Variants in FLNB observed in about 807,000 individuals in gnomAD.
FLNB encodes the protein filamin B.
FLNB carries 111 observed loss-of-function variants against 250.6 expected under a neutral mutation model. The observed-to-expected ratio is 0.44, with a 90% CI of 0.38 to 0.52. FLNB has a LOEUF of 0.52. Ranked by LOEUF, FLNB falls within the 20% of genes least tolerant of loss-of-function variation. The probability of loss-of-function intolerance (pLI) is 0.00; values close to 1 mark genes in which losing one functional copy is unlikely to be tolerated. For synonymous variants in FLNB, 1,302 were observed against 1,372.1 expected (o/e 0.95, Z 1.13); for missense variants, 2,869 against 3,447.8 (o/e 0.83, Z 4.20).
At chr3:58,011,899 G>C (rs115861088) in intron 1 of FLNB, among the ~76,000 whole-genome samples, 1 of 152,162 alleles carries the variant, frequency 6.6e-6, no homozygotes, top group African/African-American at 2.4e-5. Flanking sequence ...ATAAGGTGCT[G>C]TCTAATAATT....
At position 58,105,083 on chromosome 3, in the gene FLNB, C is replaced by G. The variant is rs1313124775; in HGVS notation, c.1614C>G (p.Pro538=). The stretch of plus-strand genomic sequence containing the variant: ...TCTTCTATTCCTTTCCCTGTAGCCC[C>G]TTTGAAGTTCAAGTTGGCCCTGAAG... ...TWGGHHIPKS[P]FEVQVGPEAG... Residue 538 remains proline (P), a synonymous_variant, in exon 11 of 46, where the codon CCC becomes CCG. Transcript: ENST00000295956. 4 of 1,614,224 alleles carry G rather than the reference C, an allele frequency of 2.5e-6. No homozygotes were observed. The highest frequency in any genetic ancestry group is 1.7e-5 in the Admixed American group (1 of 60,026).
At chr3:58,132,111 T>G in intron 25 of FLNB, 1 of 811,794 alleles carries the variant, frequency 1.2e-6, no homozygotes. Flanking sequence ...CTCATCTGCT[T>G]TGCTTAATGA....
chr3:58,097,648 TC>T (rs1266843480), intron 6 of FLNB, among the ~76,000 whole-genome samples, 166 bp from the exon 7 acceptor site: 1 of 151,760 alleles, frequency 6.6e-6, no homozygotes, highest in East Asian at 1.9e-4. Context: ...CAGGTGGGAG[TC>T]CCATTCAGGC....
chr3:58,110,158 C>G lies in FLNB; in HGVS notation c.2472C>G (p.Leu824=), dbSNP rs370483712. 2.5e-6 allele frequency: 4 copies of G among 1,614,226 alleles called. No individual in the cohort carries two copies. The highest frequency in any genetic ancestry group is 3.4e-6 in the Non-Finnish European group (4 of 1,180,044). The part of the protein sequence containing the change: ...PAAGRYTIKV[L]FASQEIPASP... ...CTGGGCGATACACTATCAAAGTTCT[C>G]TTTGCATCTCAGGTACGTGGTGGGG... Residue 824 remains leucine, a synonymous_variant, in exon 16 of 46, where the codon CTC becomes CTG. Transcript: ENST00000295956.
In FLNB at chr3:58,136,136, A is replaced by C. The variant is rs2097315485; in HGVS notation, c.4829A>C (p.Gln1610Pro). 1.2e-6 allele frequency: 2 copies of C among 1,614,112 alleles called. No homozygotes were observed. The highest frequency in any genetic ancestry group is 2.7e-5 in the African/African-American group (2 of 74,936). Residue 1610 changes from glutamine (Q) to proline (P), a missense_variant, in exon 28 of 46, where the codon CAG becomes CCG. Physicochemically the swap from Gln to Pro is moderately conservative, Grantham distance 76. Coordinates refer to ENST00000295956, the MANE Select transcript of FLNB (RefSeq NM_001457.4). ...PLSPYRIRATQTGDASKCLAT... is the reference protein window; with the variant it reads ...PLSPYRIRATPTGDASKCLAT... ...TCTCCTTATCGCATCCGAGCCACAC[A>C]GACGGGTGATGCCAGCAAGTGCCTG...
At chr3:58,046,741 G>A (rs1420763999) in intron 1 of FLNB, among the ~76,000 whole-genome samples, 1 of 152,084 alleles carries the variant, frequency 6.6e-6, no homozygotes, top group Non-Finnish European at 1.5e-5. Context: ...GCCAATTTTA[G>A]AATATTTTTA....
At position 58,168,544 on chromosome 3, in the gene FLNB, C is replaced by T. The variant is rs149342655; in HGVS notation, c.7303C>T (p.Pro2435Ser). The T allele has an allele frequency of 5.6e-6, 9 of 1,614,038 alleles. No homozygotes were observed. The highest frequency in any genetic ancestry group is 5.0e-5 in the Admixed American group (3 of 60,004). The change falls in exon 44 of 46, where the codon CCT (proline) becomes TCT (serine). Residue 2435 changes from proline to serine, a missense_variant. Physicochemically the swap from Pro to Ser is moderately conservative, Grantham distance 74. This residue lies in a region of FLNB where 1,084 missense variants were observed against 1,315.5 expected (regional missense o/e 0.82). Transcript: ENST00000295956. ...GGTTAAAATGGATTGCCAGGAAACA[C>T]CTGAAGGGTACAAAGTCATGTACAC... is the stretch of plus-strand genomic sequence containing the variant. ...SKVKMDCQET[P>S]EGYKVMYTPM...
chr3:58,011,195 A>C (rs988975585), intron 1 of FLNB, among the ~76,000 whole-genome samples: 7 of 151,948 alleles, frequency 4.6e-5, no homozygotes, highest in African/African-American at 1.7e-4. Context: ...TACAGCCCTG[A>C]GCCACCGCGC....
At chr3:58,116,902 T>G (rs2097279070) in intron 18 of FLNB, among the ~76,000 whole-genome samples, 1 of 152,188 alleles carries the variant, frequency 6.6e-6, no homozygotes, top group Non-Finnish European at 1.5e-5. Flanking sequence ...TAGAAATCCC[T>G]GTGAGCTCAC....
intron 1 of FLNB, among the ~76,000 whole-genome samples, chr3:58,060,334 T>C (rs1051558372): frequency 3.4e-5 from 5 of 147,556 alleles, no homozygotes; most frequent in African/African-American, 1.0e-4. Context: ...CTGGGCAACA[T>C]GGTGAGACCC....
In FLNB at chr3:58,078,686, G is replaced by A. The variant is rs2097204939; in HGVS notation, c.542-31G>A. On this transcript the variant is annotated intron_variant, in intron 2 of 45. Transcript: ENST00000295956. ...CCTTTAATCTCTTTGGTCAGCTAAT[G>A]CTAAAAGAATCTTTTGTGTTCTGTT... The A allele has an allele frequency of 1.9e-6, 3 of 1,597,764 alleles. No homozygotes were observed. In the Admixed American group the frequency reaches 5.1e-5, roughly 27 times the overall value.
At chr3:58,099,661 T>C (rs2107066508) in intron 8 of FLNB, among the ~76,000 whole-genome samples, 1 of 152,340 alleles carries the variant, frequency 6.6e-6, no homozygotes, top group East Asian at 1.9e-4. Flanking sequence ...TTCCGAATCC[T>C]ACCTCTGGGC....
chr3:58,155,956 A>G lies in FLNB; in HGVS notation c.6773-4A>G, dbSNP rs759508046. On this transcript the variant is annotated splice_polypyrimidine_tract_variant and splice_region_variant and intron_variant, in intron 40 of 45. Transcript: ENST00000295956. ...GAAATGATGGGACTTTCCTGTCCTC[A>G]TAGGTAACTACGAGGTGTCCATCAA... 1 of 1,592,130 alleles carries G rather than the reference A, an allele frequency of 6.3e-7. No homozygotes were observed. Among genetic ancestry groups the G allele is most frequent in the Admixed American group, 1.7e-5 (1 of 59,972 alleles).
chr3:58,053,622 G>A (rs867089188), intron 1 of FLNB, among the ~76,000 whole-genome samples: 7 of 151,930 alleles, frequency 4.6e-5, no homozygotes, highest in African/African-American at 7.3e-5. Flanking sequence ...TACCATGCCC[G>A]GCTAATTTTT....
In FLNB at chr3:58,136,059, G is replaced by A. The variant is rs1231091518; in HGVS notation, c.4752G>A (p.Lys1584=). ...GTYAVTYIPD[K]TGRYMIGVTY... ...ATGCTGTCACCTACATCCCCGACAA[G>A]ACTGGGCGCTATATGATTGGAGTCA... Residue 1584 remains lysine (K), a synonymous_variant, in exon 28 of 46, where the codon AAG becomes AAA. Coordinates refer to ENST00000295956, the MANE Select transcript of FLNB (RefSeq NM_001457.4). 1 of 1,614,212 alleles carries A rather than the reference G, an allele frequency of 6.2e-7. No homozygotes were observed. Among genetic ancestry groups the A allele is most frequent in the Middle Eastern group, 1.6e-4 (1 of 6,062 alleles).
intron 39 of FLNB, among the ~76,000 whole-genome samples, chr3:58,154,269 G>A (rs1252334140): frequency 6.6e-6 from 1 of 152,122 alleles, no homozygotes; most frequent in Non-Finnish European, 1.5e-5. Flanking sequence ...AGGGCTGGGC[G>A]TGGTGGCTCA....
chr3:58,140,652 A>C (rs2097325331), intron 29 of FLNB, among the ~76,000 whole-genome samples: 1 of 152,086 alleles, frequency 6.6e-6, no homozygotes, highest in African/African-American at 2.4e-5. Flanking sequence ...TCTGTCACCC[A>C]GGCTGGAGTA....
rs893126245 is a variant in FLNB at position 58,053,941 on chromosome 3, G to A, written c.293-23105G>A. 2.0e-5 allele frequency among the ~76,000 whole-genome samples: 3 copies of A among 152,210 alleles called. No individual in the cohort carries two copies. In the South Asian group the frequency reaches 6.2e-4, roughly 32 times the overall value. On this transcript the variant is annotated intron_variant, in intron 1 of 45. Coordinates refer to ENST00000295956, the MANE Select transcript of FLNB (RefSeq NM_001457.4). ...AAGTCTCATTGCAGTGCCTCCCAGA[G>A]GCGCGAAGAGCAACACCTTTCACCT...
intron 24 of FLNB, among the ~76,000 whole-genome samples, chr3:58,129,570 C>T (rs1166964164): frequency 1.3e-5 from 2 of 152,168 alleles, no homozygotes; most frequent in Non-Finnish European, 2.9e-5. Flanking sequence ...TTGCCAGGGC[C>T]AGCCATTTAT....
Sources: gnomAD v4.1 joint callset for allele counts (sites outside exome capture counted in the v4.1 genomes callset) on GRCh38, gnomAD v4.1.1 for gene constraint, gnomAD v4.1.1 regional missense constraint, MANE v1.5 for transcripts, NCBI Gene and HGNC (gene_info 2026-07-23, HGNC 2026-07-21) for gene names.